PTPRM: variants seen among roughly 807,000 people sequenced by gnomAD.
The protein encoded by PTPRM is receptor-type tyrosine-protein phosphatase mu.
PTPRM carries 47 observed loss-of-function variants against 186.7 expected under a neutral mutation model. The observed-to-expected ratio is 0.25, with a 90% CI of 0.20 to 0.32. PTPRM has a LOEUF of 0.32. Ranked by LOEUF, PTPRM falls within the 10% of genes least tolerant of loss-of-function variation. PTPRM has a pLI of 1.00. For synonymous variants in PTPRM, 668 were observed against 674.9 expected (o/e 0.99, Z 0.16); for missense variants, 1,494 against 1,865.0 (o/e 0.80, Z 3.66).
rs115721146 is a variant in PTPRM, at chr18:7,932,265, A to T, written c.663+5582A>T. Among the ~76,000 whole-genome samples the T allele has an allele frequency of 5.1e-3, 775 of 152,290 alleles. 7 individuals are homozygous for T. The highest frequency in any genetic ancestry group is 0.018 in the African/African-American group (747 of 41,558). On this transcript the variant is annotated intron_variant, in intron 5 of 32. Transcript: ENST00000580170. ...GCAGTTGGCAGTGGAAACCTGGAAA[A>T]TAACCCCTTTCTCTTCACAGTCATT...
intron 7 of PTPRM, among the ~76,000 whole-genome samples, chr18:7,972,318 G>C (rs1283936006): frequency 8.4e-6 from 1 of 119,412 alleles, no homozygotes; most frequent in East Asian, 2.3e-4. Context: ...TGGTGGGGTA[G>C]GGGGAGGGGG....
intron 7 of PTPRM, among the ~76,000 whole-genome samples, chr18:8,038,659 T>C (rs1237271783): frequency 1.3e-5 from 2 of 152,220 alleles, no homozygotes; most frequent in African/African-American, 4.8e-5. Context: ...TTCAAAGTGC[T>C]GGGATTACAG....
intron 20 of PTPRM, among the ~76,000 whole-genome samples, chr18:8,302,447 G>A (rs1355777493): frequency 6.6e-6 from 1 of 152,112 alleles, no homozygotes; most frequent in Non-Finnish European, 1.5e-5. Context: ...GCAGGTTGAG[G>A]ACTTTTGTCT....
intron 7 of PTPRM, among the ~76,000 whole-genome samples, chr18:7,968,680 T>G (rs1432169593): frequency 5.3e-5 from 2 of 38,092 alleles, no homozygotes; most frequent in African/African-American, 2.8e-4. Flanking sequence ...AAACAGACTT[T>G]AAACCAACAA....
rs59073560 is a variant in PTPRM, at chr18:8,237,431, A to ATTT, written c.2301-6598_2301-6596dup. On this transcript the variant is annotated intron_variant, in intron 14 of 32. Coordinates refer to ENST00000580170, the MANE Select transcript of PTPRM (RefSeq NM_001105244.2). ...GATCTGCTGGCAACTGATTCCCTCA[A>ATTT]TTTTTTTTTTTTTTTTTTTTTTTTT... Among the ~76,000 whole-genome samples the ATTT allele has an allele frequency of 7.4e-3, 530 of 71,638 alleles. 63 individuals carry two copies. Among genetic ancestry groups the ATTT allele is most frequent in the South Asian group, 0.015 (29 of 1,892 alleles). 47.0% of individuals were successfully genotyped at this position (71,638 alleles called of 152,430 possible).
rs917272673 is a variant in PTPRM at position 8,396,612 on chromosome 18, G to A, written c.4344+2001G>A. Among the ~76,000 whole-genome samples the A allele has an allele frequency of 3.0e-4, 46 of 152,316 alleles. 1 individual carries two copies. Among genetic ancestry groups the A allele is most frequent in the African/African-American group, 9.1e-4 (38 of 41,574 alleles). ...AAGGGAGCTTGCGGTCCCAGCCCAC[G>A]ATTCTATCGTAACTTAGGACTTTTT... is the stretch of plus-strand genomic sequence containing the variant. On this transcript the variant is annotated intron_variant, in intron 32 of 32. Coordinates refer to ENST00000580170, the MANE Select transcript of PTPRM (RefSeq NM_001105244.2).
intron 23 of PTPRM, among the ~76,000 whole-genome samples, chr18:8,367,349 C>T (rs371622494): frequency 6.6e-6 from 1 of 152,262 alleles, no homozygotes; most frequent in Non-Finnish European, 1.5e-5. Flanking sequence ...GGGCCTTGCC[C>T]AGCACGCATT....
chr18:7,896,458 A>G (rs1230964780), intron 3 of PTPRM, among the ~76,000 whole-genome samples: 1 of 152,122 alleles, frequency 6.6e-6, no homozygotes, highest in Non-Finnish European at 1.5e-5. Context: ...TTTTGAGCCC[A>G]GTCAGAGGCC....
chr18:7,959,076 G>T (rs1337260563), intron 7 of PTPRM, among the ~76,000 whole-genome samples: 1 of 152,134 alleles, frequency 6.6e-6, no homozygotes, highest in African/African-American at 2.4e-5. Context: ...TAAAACAGAG[G>T]TGATGATAAT....
At chr18:8,136,607 CAGA>C (rs773237760) in intron 13 of PTPRM, among the ~76,000 whole-genome samples, 10 of 152,166 alleles carry the variant, frequency 6.6e-5, no homozygotes, top group Middle Eastern at 3.4e-3. Context: ...AAATTAGGGA[CAGA>C]AGAAGAGTTA....
intron 1 of PTPRM, among the ~76,000 whole-genome samples, chr18:7,742,268 C>G (rs2040898307): frequency 6.6e-6 from 1 of 152,118 alleles, no homozygotes; most frequent in African/African-American, 2.4e-5. Flanking sequence ...TTTCTAATAA[C>G]TTTAAAAAGT....
chr18:8,110,945 T>C (rs1057362664), intron 11 of PTPRM, among the ~76,000 whole-genome samples: 5 of 152,176 alleles, frequency 3.3e-5, no homozygotes, highest in Admixed American at 3.3e-4. Context: ...GGCCAGATGG[T>C]TTCCATCAGT....
At chr18:7,589,757 A>G (rs2037075106) in intron 1 of PTPRM, among the ~76,000 whole-genome samples, 1 of 152,244 alleles carries the variant, frequency 6.6e-6, no homozygotes, top group African/African-American at 2.4e-5. Context: ...ATGAACACTA[A>G]ACAAAGGCAT....
intron 7 of PTPRM, among the ~76,000 whole-genome samples, chr18:7,999,971 G>A (rs984354143): frequency 6.6e-6 from 1 of 152,146 alleles, no homozygotes; most frequent in Non-Finnish European, 1.5e-5. Flanking sequence ...TGATATTTCA[G>A]TTCATGTCTG....
At chr18:7,978,521 T>C (rs2055110561) in intron 7 of PTPRM, among the ~76,000 whole-genome samples, 1 of 152,216 alleles carries the variant, frequency 6.6e-6, no homozygotes, top group Admixed American at 6.5e-5. Context: ...CTTAGTGAAG[T>C]GGTCACGTTA....
rs937180618 is a variant in PTPRM at position 7,755,435 on chromosome 18, G to T, written c.74-18714G>T. Among the ~76,000 whole-genome samples the T allele has an allele frequency of 4.6e-5, 7 of 152,310 alleles. No individual in the cohort carries two copies. The East Asian group carries it at 5.8e-4, about 13-fold the overall frequency. ...GAAAATGGCAGCACAGCCTTTTGGG[G>T]TATGGATAAGGGTGGTCTTCCTGCT... On this transcript the variant is annotated intron_variant, in intron 1 of 32. Coordinates refer to ENST00000580170, the MANE Select transcript of PTPRM (RefSeq NM_001105244.2).
intron 14 of PTPRM, among the ~76,000 whole-genome samples, chr18:8,240,817 AGAGAG>A (rs1568585158): frequency 2.3e-4 from 8 of 34,676 alleles, no homozygotes; most frequent in African/African-American, 4.8e-4. Context: ...AGAGAGAGAG[AGAGAG>A]AGAGAAAGAA....
intron 22 of PTPRM, among the ~76,000 whole-genome samples, chr18:8,340,152 G>T (rs551749191): frequency 2.7e-4 from 41 of 152,352 alleles, no homozygotes; most frequent in African/African-American, 8.4e-4. Context: ...CGGCCGCCAA[G>T]TGTTGGCTGC....
At chr18:8,344,383 G>GCTATAT (rs1555880687) in intron 23 of PTPRM, among the ~76,000 whole-genome samples, 5 of 144,818 alleles carry the variant, frequency 3.5e-5, no homozygotes, top group Non-Finnish European at 7.5e-5. Flanking sequence ...CAGTAAGTAG[G>GCTATAT]ATATATATAT....
Sources: gnomAD v4.1 joint callset for allele counts (sites outside exome capture counted in the v4.1 genomes callset) on GRCh38, gnomAD v4.1.1 for gene constraint, MANE v1.5 for transcripts, NCBI Gene and HGNC (gene_info 2026-07-23, HGNC 2026-07-21) for gene names.